The following WWOX variants were observed in gnomAD, a reference collection of about 807,000 sequenced individuals.
WWOX encodes WW domain containing oxidoreductase, also known as WW domain-containing oxidoreductase.
WWOX carries 69 observed loss-of-function variants against 46.2 expected under a neutral mutation model. That is an observed-to-expected ratio of 1.49 (90% CI 1.23 to 1.82). The LOEUF (loss-of-function observed/expected upper bound fraction) is 1.82. WWOX is among the 40% of genes most tolerant of loss of function. The pLI is 0.00. For missense variants in WWOX, 919 were observed against 542.6 expected, an observed-to-expected ratio of 1.69 and a Z score of -6.89; for synonymous variants, 359 against 202.6, an observed-to-expected ratio of 1.77 and a Z score of -6.56.
intron 5 of WWOX, among the ~76,000 whole-genome samples, chr16:78,374,753 T>G (rs1398836109): frequency 6.6e-6 from 1 of 151,998 alleles, no homozygotes; most frequent in Non-Finnish European, 1.5e-5. Flanking sequence ...GGTTTCACCG[T>G]GTTAGCCAGG....
At position 78,349,600 on chromosome 16, in the gene WWOX, A is replaced by G. The variant is rs1328642630; in HGVS notation, c.517-37260A>G. On this transcript the variant is annotated intron_variant, in intron 5 of 8. Coordinates refer to ENST00000566780, the MANE Select transcript of WWOX (RefSeq NM_016373.4). ...TGCAGGCCACCTTCACAGCCTTGCC[A>G]TACCTTTTCCCGTTTATCCATGGAT... Among the ~76,000 whole-genome samples, 3 of 120,132 alleles carry G rather than the reference A, an allele frequency of 2.5e-5. No individual in the cohort carries two copies. The East Asian group carries it at 5.8e-4, about 23-fold the overall frequency. The allele number at this position is 120,132 out of a possible 152,430, so 78.8% of individuals were successfully genotyped here.
chr16:78,900,286 C>T (rs560652227), intron 8 of WWOX, among the ~76,000 whole-genome samples: 4 of 152,080 alleles, frequency 2.6e-5, no homozygotes, highest in Admixed American at 6.6e-5. Context: ...AAGTTTCCAG[C>T]CTGGTTTCTC....
intron 8 of WWOX, among the ~76,000 whole-genome samples, chr16:78,643,338 AGT>A (rs2046765067): frequency 6.6e-6 from 1 of 152,346 alleles, no homozygotes; most frequent in Admixed American, 6.5e-5. Flanking sequence ...AGGTTTTATT[AGT>A]AATGAAACTG....
At chr16:78,992,987 C>G (rs2046918127) in intron 8 of WWOX, among the ~76,000 whole-genome samples, 1 of 151,918 alleles carries the variant, frequency 6.6e-6, no homozygotes, top group Non-Finnish European at 1.5e-5. Flanking sequence ...TCCTCCCTCT[C>G]TTTCCAATGA....
chr16:78,164,295 T>C lies in WWOX; in HGVS notation c.516+6T>C, dbSNP rs2303191. The stretch of plus-strand genomic sequence containing the variant: ...CACGCATTTTAGAAGAATGGGTAAG[T>C]GCTTGACTGTTGTTGTTTTTTTTAA... On this transcript the variant is annotated splice_donor_region_variant and intron_variant, in intron 5 of 8. Coordinates refer to ENST00000566780, the MANE Select transcript of WWOX (RefSeq NM_016373.4). 1,180,506 of 1,612,444 alleles carry C rather than the reference T, an allele frequency of 0.73. 433,805 individuals are homozygous for C. Among genetic ancestry groups the C allele is most frequent in the East Asian group, 0.91 (40,627 of 44,848 alleles).
At chr16:78,194,029 C>T (rs1172298383) in intron 5 of WWOX, among the ~76,000 whole-genome samples, 5 of 151,236 alleles carry the variant, frequency 3.3e-5, no homozygotes, top group Non-Finnish European at 7.4e-5. Context: ...AGGCGCCCAC[C>T]ACCGAGCCCG....
At chr16:78,174,285 A>G (rs2035259875) in intron 5 of WWOX, among the ~76,000 whole-genome samples, 2 of 152,162 alleles carry the variant, frequency 1.3e-5, no homozygotes, top group South Asian at 4.1e-4. Flanking sequence ...AATGAGGAAG[A>G]AGCAAAAGCA....
chr16:79,049,091 G>A (rs987085266), intron 8 of WWOX, among the ~76,000 whole-genome samples: 2 of 152,206 alleles, frequency 1.3e-5, no homozygotes, highest in African/African-American at 4.8e-5. Flanking sequence ...TAGTGCAGTG[G>A]TCAGCAGACT....
chr16:78,106,339 T>G (rs756700933), intron 1 of WWOX, among the ~76,000 whole-genome samples: 6 of 151,874 alleles, frequency 4.0e-5, no homozygotes, highest in Admixed American at 6.6e-5. Context: ...AAGCAGGAGT[T>G]GGTATACCAA....
At chr16:78,599,434 A>G (rs1049567200) in intron 8 of WWOX, among the ~76,000 whole-genome samples, 3 of 152,182 alleles carry the variant, frequency 2.0e-5, no homozygotes, top group South Asian at 2.1e-4. Context: ...GGCTGTGGCC[A>G]TGGCTGGGGA....
chr16:78,903,474 A>G (rs2044880239), intron 8 of WWOX, among the ~76,000 whole-genome samples: 1 of 152,200 alleles, frequency 6.6e-6, no homozygotes, highest in Admixed American at 6.5e-5. Flanking sequence ...CAAACGTCTG[A>G]TTGGTTGCAA....
chr16:79,090,299 G>A (rs2048933170), intron 8 of WWOX, among the ~76,000 whole-genome samples: 1 of 151,468 alleles, frequency 6.6e-6, no homozygotes, highest in South Asian at 2.1e-4. Context: ...GTGTGTGTGT[G>A]TGTGTGTGTG....
chr16:78,937,493 C>T (rs2045764549), intron 8 of WWOX, among the ~76,000 whole-genome samples: 1 of 114,806 alleles, frequency 8.7e-6, no homozygotes, highest in South Asian at 2.8e-4. Flanking sequence ...TGGGGTTTCA[C>T]TGTGTTGCCC....
intron 8 of WWOX, among the ~76,000 whole-genome samples, chr16:78,465,488 G>A (rs1181441598): frequency 2.0e-5 from 3 of 152,088 alleles, no homozygotes; most frequent in African/African-American, 7.2e-5. Flanking sequence ...CCTGGGGGAG[G>A]GTTTGTTAAA....
intron 8 of WWOX, among the ~76,000 whole-genome samples, chr16:78,922,586 C>G (rs560471670): frequency 6.6e-6 from 1 of 152,252 alleles, no homozygotes; most frequent in African/African-American, 2.4e-5. Context: ...ACCATGTTGC[C>G]CAGGCTGCTC....
chr16:78,665,223 G>A (rs2047303136), intron 8 of WWOX, among the ~76,000 whole-genome samples: 1 of 152,158 alleles, frequency 6.6e-6, no homozygotes, highest in Non-Finnish European at 1.5e-5. Flanking sequence ...GGCTTCTGGA[G>A]TCACGGGCTG....
intron 8 of WWOX, among the ~76,000 whole-genome samples, chr16:78,929,931 C>T (rs1451914874): frequency 6.6e-6 from 1 of 152,130 alleles, no homozygotes; most frequent in Non-Finnish European, 1.5e-5. Context: ...CACGGTAGTT[C>T]AGGATAAAAA....
At chr16:78,799,613 T>A (rs370897107) in intron 8 of WWOX, among the ~76,000 whole-genome samples, 1 of 36,556 alleles carries the variant, frequency 2.7e-5, no homozygotes, top group Admixed American at 3.9e-4. Context: ...CAAGGTCACA[T>A]GGCTTTGGAC....
chr16:78,850,584 C>G (rs530619095), intron 8 of WWOX, among the ~76,000 whole-genome samples: 1 of 152,150 alleles, frequency 6.6e-6, no homozygotes, highest in Non-Finnish European at 1.5e-5. Flanking sequence ...CCATTGTTTA[C>G]GATTCCTTGG....
Sources: gnomAD v4.1 joint callset for allele counts (sites outside exome capture counted in the v4.1 genomes callset) on GRCh38, gnomAD v4.1.1 for gene constraint, MANE v1.5 for transcripts, NCBI Gene and HGNC (gene_info 2026-07-23, HGNC 2026-07-21) for gene names.